The following DHX9 variants were observed in gnomAD, a reference collection of about 807,000 sequenced individuals.
The protein encoded by DHX9 is ATP-dependent RNA helicase A.
A neutral mutation model predicts 148.7 loss-of-function variants in DHX9; 27 were observed. The ratio of observed to expected loss-of-function variants is 0.18; its 90% CI spans 0.13 to 0.25. The LOEUF is 0.25. Ranked by LOEUF, DHX9 falls within the 10% of genes least tolerant of loss-of-function variation. The pLI, the probability that DHX9 is intolerant of heterozygous loss-of-function variation, is 1.00. For missense variants in DHX9, 796 were observed against 1,559.6 expected, an observed-to-expected ratio of 0.51 and a Z score of 8.25; for synonymous variants, 529 against 516.6, an observed-to-expected ratio of 1.02 and a Z score of -0.33.
chr1:182,852,117 G>A (rs1283050818), intron 3 of DHX9, 116 bp from the exon 4 acceptor site: 2 of 603,740 alleles, frequency 3.3e-6, no homozygotes, highest in Non-Finnish European at 5.8e-6. Context: ...AAACAAAGAT[G>A]GTAATATTAC....
intron 7 of DHX9, among the ~76,000 whole-genome samples, chr1:182,856,936 G>A (rs974907422): frequency 7.3e-5 from 11 of 150,818 alleles, no homozygotes; most frequent in African/African-American, 2.4e-4. Flanking sequence ...TGCAAGCTCC[G>A]CCTCCCAGGT....
At chr1:182,869,559 A>T (rs541194987) in intron 14 of DHX9, among the ~76,000 whole-genome samples, 3 of 152,054 alleles carry the variant, frequency 2.0e-5, no homozygotes, top group African/African-American at 7.2e-5. Flanking sequence ...GACCGGTCTT[A>T]TCTGGTCCTG....
At chr1:182,842,451 C>T in intron 1 of DHX9, 94 bp from the exon 2 acceptor site, 1 of 641,542 alleles carries the variant, frequency 1.6e-6, no homozygotes. Context: ...ATAGAATATC[C>T]TATGTTTAAC....
At chr1:182,870,095 A>G (rs1446564121) in intron 14 of DHX9, among the ~76,000 whole-genome samples, 2 of 152,260 alleles carry the variant, frequency 1.3e-5, no homozygotes, top group East Asian at 1.9e-4. Context: ...AAAAAAAGAT[A>G]CCATTGCAGT....
At chr1:182,882,486 T>C (rs988777905) in intron 24 of DHX9, among the ~76,000 whole-genome samples, 3 of 152,216 alleles carry the variant, frequency 2.0e-5, no homozygotes, top group Non-Finnish European at 4.4e-5. Flanking sequence ...AACTAACAGC[T>C]ATTTAAGAGT....
intron 27 of DHX9, 57 bp downstream of exon 27, chr1:182,884,870 C>T (rs532743976): frequency 1.3e-6 from 2 of 1,544,100 alleles, no homozygotes; most frequent in African/African-American, 2.7e-5. Flanking sequence ...CTTATGTAGG[C>T]CTAGAATTCC....
At position 182,853,921 on chromosome 1, in the gene DHX9, C is replaced by G. The variant is rs1668207970; in HGVS notation, c.478-109C>G. Reference sequence around the variant, plus strand: ...GACTAGGATTATAAACTATCAAAAACAGCTTTTGCATTATAAAGGATAGTA... The same window carrying G: ...GACTAGGATTATAAACTATCAAAAAGAGCTTTTGCATTATAAAGGATAGTA... On this transcript the variant is annotated intron_variant, in intron 5 of 27. Transcript: ENST00000367549. 5.1e-6 allele frequency: 5 copies of G among 982,760 alleles called. No individual in the cohort carries two copies. The African/African-American group carries it at 8.1e-5, about 16-fold the overall frequency. The allele number at this position is 982,760 out of a possible 1,614,324, so 60.9% of individuals were successfully genotyped here. A position where few individuals can be genotyped will look rare whatever the true frequency, so the allele number is the denominator to read the frequency against.
chr1:182,876,429 T>G lies in DHX9; in HGVS notation c.2030-18T>G. 6.2e-7 allele frequency: 1 copy of G among 1,607,996 alleles called. No homozygotes were observed. The highest frequency in any genetic ancestry group is 1.3e-5 in the African/African-American group (1 of 74,908). On this transcript the variant is annotated intron_variant, in intron 17 of 27. Transcript: ENST00000367549. Reference sequence around the variant, plus strand: ...AGCTCCTGTTTTTAGTCCCTGATTGTTCTTTATTGTTATATAGGAAGCCAT... The same window carrying G: ...AGCTCCTGTTTTTAGTCCCTGATTGGTCTTTATTGTTATATAGGAAGCCAT...
intron 3 of DHX9, among the ~76,000 whole-genome samples, chr1:182,843,814 A>C (rs978077632): frequency 2.0e-5 from 3 of 152,206 alleles, no homozygotes; most frequent in Admixed American, 1.3e-4. Flanking sequence ...CCTGCCCCGT[A>C]AGCGATGAGG....
intron 16 of DHX9, 65 bp from the exon 17 acceptor site, chr1:182,875,974 CACTAGAAGAAA>C (rs1648746309): frequency 9.2e-7 from 1 of 1,088,142 alleles, no homozygotes; most frequent in Non-Finnish European, 1.4e-6. Context: ...TAATTAGAGT[CACTAGAAGAAA>C]TCTAGAAGAC....
chr1:182,874,574 A>G (rs1200276720), intron 15 of DHX9, among the ~76,000 whole-genome samples: 1 of 152,204 alleles, frequency 6.6e-6, no homozygotes, highest in Non-Finnish European at 1.5e-5. Context: ...ATGGAAGTGT[A>G]TAGATAAATG....
At chr1:182,856,412 G>A (rs1310093909) in intron 6 of DHX9, 120 bp from the exon 7 acceptor site, 4 of 737,112 alleles carry the variant, frequency 5.4e-6, no homozygotes, top group Non-Finnish European at 9.4e-6. Flanking sequence ...AATAAATGTT[G>A]GTAATTTTTT....
chr1:182,840,385 G>T (rs919962151), intron 1 of DHX9, among the ~76,000 whole-genome samples: 1 of 146,620 alleles, frequency 6.8e-6, no homozygotes, highest in Non-Finnish European at 1.5e-5. Flanking sequence ...CAGCAACGTC[G>T]GTCTCCCGGG....
At chr1:182,843,578 A>C (rs1026889246) in intron 3 of DHX9, 144 bp downstream of exon 3, 4 of 802,362 alleles carry the variant, frequency 5.0e-6, no homozygotes, top group Non-Finnish European at 5.5e-6. Context: ...GTTTTGTCTC[A>C]GCACTGGACA....
rs761669269 is a variant in DHX9 at position 182,858,743 on chromosome 1, C to T, written c.911C>T (p.Pro304Leu). ...NLEILPPPEDPSVPVALNIGK... is the reference protein window; with the variant it reads ...NLEILPPPEDLSVPVALNIGK... The stretch of plus-strand genomic sequence containing the variant: ...CTTATTTTTTAATAGCCTGAAGATC[C>T]TTCTGTGCCAGTTGCACTCAACATT... Residue 304 changes from proline to leucine, a missense_variant, in exon 10 of 28, where the codon CCT (proline) becomes CTT (leucine). Pro to Leu is a moderately conservative substitution (Grantham distance 98). This residue lies in a region of DHX9 where 63 missense variants were observed against 78.6 expected (regional missense o/e 0.80). Coordinates refer to ENST00000367549, the MANE Select transcript of DHX9 (RefSeq NM_001357.5). 6.2e-7 allele frequency: 1 copy of T among 1,614,024 alleles called. No homozygotes were observed. Among genetic ancestry groups the T allele is most frequent in the Non-Finnish European group, 8.5e-7 (1 of 1,179,992 alleles).
rs1649402432 is a variant in DHX9 at position 182,887,760 on chromosome 1, G to A, written c.*326G>A. ...AAGTATTACACCGAATACTTGCCGT[G>A]TAGTTTGTTTGTTGACCTCGTATGT... is the stretch of plus-strand genomic sequence containing the variant. On this transcript the variant is annotated 3_prime_UTR_variant, in exon 28 of 28. Transcript: ENST00000367549. 1 of 226,274 alleles carries A rather than the reference G, an allele frequency of 4.4e-6. No individual in the cohort carries two copies. The highest frequency in any genetic ancestry group is 8.9e-6 in the Non-Finnish European group (1 of 112,816). The allele number at this position is 226,274 out of a possible 1,614,324, so 14.0% of individuals were successfully genotyped here.
Position 182,852,261 on chromosome 1 carries a change from C to A in DHX9, c.281C>A (p.Thr94Asn). 1 of 1,612,454 alleles carries A rather than the reference C, an allele frequency of 6.2e-7. No homozygotes were observed. Among genetic ancestry groups the A allele is most frequent in the Non-Finnish European group, 8.5e-7 (1 of 1,179,382 alleles). The change falls in exon 4 of 28, where the codon ACT (threonine) becomes AAT (asparagine). Residue 94 changes from threonine (T) to asparagine (N), a missense_variant. Around this residue, in one of 14 missense-constraint regions of DHX9, gnomAD observed 89 missense variants for 77.5 expected, o/e 1.15. Transcript: ENST00000367549. ...GVASPPPLTDTPDTTANAEGD... is the reference protein window; with the variant it reads ...GVASPPPLTDNPDTTANAEGD... The stretch of plus-strand genomic sequence containing the variant: ...GCATCTCCGCCCCCACTTACTGATA[C>A]TCCTGACACTACAGCAAATGCTGAA...
At chr1:182,875,771 T>C (rs1282524553) in intron 16 of DHX9, among the ~76,000 whole-genome samples, 1 of 152,186 alleles carries the variant, frequency 6.6e-6, no homozygotes, top group African/African-American at 2.4e-5. Context: ...CAAAGAAATA[T>C]ACTCAGAAGG....
chr1:182,853,134 C>G (rs1346256136), intron 4 of DHX9, among the ~76,000 whole-genome samples, 172 bp from the exon 5 acceptor site: 2 of 151,756 alleles, frequency 1.3e-5, no homozygotes, highest in East Asian at 3.9e-4. Context: ...ACTATGTTGA[C>G]CAGGCTGGTC....
Sources: allele counts gnomAD v4.1 joint callset (sites outside exome capture counted in the v4.1 genomes callset), GRCh38; gene constraint gnomAD v4.1.1; regional missense constraint gnomAD v4.1.1; transcripts MANE v1.5; gene names NCBI Gene and HGNC (gene_info 2026-07-23, HGNC 2026-07-21).